RERE: variants seen among roughly 807,000 people sequenced by gnomAD.
RERE encodes arginine-glutamic acid dipeptide repeats protein.
Under a neutral mutation model 146.1 loss-of-function variants are expected in RERE, and 40 were observed. That is an observed-to-expected ratio of 0.27 (90% confidence interval 0.21 to 0.36). The LOEUF is 0.36. RERE is among the 10% of genes least tolerant of loss of function. RERE has a pLI of 1.00. For synonymous variants in RERE, 1,003 were observed against 866.0 expected (o/e 1.16, Z -2.78); for missense variants, 1,933 against 2,138.7 (o/e 0.90, Z 1.90).
intron 1 of RERE, chr1:8,750,782 A>G (rs779946788): frequency 7.5e-6 from 6 of 796,414 alleles, no homozygotes; most frequent in Non-Finnish European, 1.3e-5. Flanking sequence ...TCAAATCTTC[A>G]GTGGAACCTT....
intron 12 of RERE, among the ~76,000 whole-genome samples, chr1:8,403,383 T>C (rs983080064): frequency 6.6e-6 from 1 of 152,078 alleles, no homozygotes; most frequent in Non-Finnish European, 1.5e-5. Flanking sequence ...TACTGTTTAC[T>C]TGTCCTTCTT....
intron 2 of RERE, among the ~76,000 whole-genome samples, chr1:8,632,871 A>C (rs1170840436): frequency 6.6e-6 from 1 of 152,256 alleles, no homozygotes; most frequent in African/African-American, 2.4e-5. Context: ...ATAAAAGTTT[A>C]ATTGCCATTC....
chr1:8,779,138 C>T (rs1051473016), intron 1 of RERE, among the ~76,000 whole-genome samples: 2 of 151,960 alleles, frequency 1.3e-5, no homozygotes, highest in South Asian at 2.1e-4. Context: ...TGAGCCACCA[C>T]GCCCACTCCA....
At chr1:8,557,117 G>A (rs1019401977) in intron 5 of RERE, among the ~76,000 whole-genome samples, 1 of 151,908 alleles carries the variant, frequency 6.6e-6, no homozygotes, top group African/African-American at 2.4e-5. Context: ...TGTGAGAAAA[G>A]TGGAGCAGGA....
chr1:8,778,589 C>T (rs918586775), intron 1 of RERE, among the ~76,000 whole-genome samples: 9 of 152,168 alleles, frequency 5.9e-5, no homozygotes, highest in Admixed American at 1.3e-4. Flanking sequence ...GTAATTCCAG[C>T]TCTTCGGGAA....
At chr1:8,569,682 A>G (rs1243105907) in intron 4 of RERE, among the ~76,000 whole-genome samples, 1 of 152,184 alleles carries the variant, frequency 6.6e-6, no homozygotes, top group Admixed American at 6.5e-5. Context: ...GCTTGAGCCC[A>G]GTAGTTTGAG....
At chr1:8,686,876 G>C (rs1639101099) in intron 1 of RERE, among the ~76,000 whole-genome samples, 1 of 152,178 alleles carries the variant, frequency 6.6e-6, no homozygotes, top group South Asian at 2.1e-4. Context: ...CTCGAAAGCG[G>C]GACGGTGAGC....
At chr1:8,562,711 A>C (rs139292919) in intron 4 of RERE, among the ~76,000 whole-genome samples, 3 of 152,280 alleles carry the variant, frequency 2.0e-5, no homozygotes, top group Non-Finnish European at 4.4e-5. Context: ...GAGCACATCC[A>C]ATCTGCTTAA....
intron 2 of RERE, among the ~76,000 whole-genome samples, chr1:8,628,351 A>G (rs1052997978): frequency 2.6e-5 from 4 of 152,214 alleles, no homozygotes; most frequent in East Asian, 1.9e-4. Flanking sequence ...GACTGGAGTA[A>G]TAAGAACTAA....
chr1:8,689,830 G>A (rs1210751838), intron 1 of RERE, among the ~76,000 whole-genome samples: 1 of 150,932 alleles, frequency 6.6e-6, no homozygotes, highest in Non-Finnish European at 1.5e-5. Context: ...AATGTAAACT[G>A]TAAATGTGGG....
At chr1:8,468,991 G>A (rs574812541) in intron 10 of RERE, among the ~76,000 whole-genome samples, 2 of 152,024 alleles carry the variant, frequency 1.3e-5, no homozygotes, top group Non-Finnish European at 2.9e-5. Flanking sequence ...TCCAACTCTA[G>A]CTCTACTATT....
At chr1:8,748,729 G>C (rs1392434731) in intron 1 of RERE, among the ~76,000 whole-genome samples, 5 of 152,082 alleles carry the variant, frequency 3.3e-5, no homozygotes, top group African/African-American at 1.2e-4. Context: ...TTCTCCTTTT[G>C]TCTTTCTTCC....
At chr1:8,427,403 C>G (rs900157861) in intron 11 of RERE, among the ~76,000 whole-genome samples, 2 of 152,158 alleles carry the variant, frequency 1.3e-5, no homozygotes, top group African/African-American at 4.8e-5. Context: ...CCCATATGAT[C>G]TCCACTGTTC....
intron 10 of RERE, among the ~76,000 whole-genome samples, chr1:8,487,497 G>C (rs1644917727): frequency 6.6e-6 from 1 of 152,154 alleles, no homozygotes; most frequent in Admixed American, 6.5e-5. Context: ...AGGATTACTT[G>C]AGTCTGGGAG....
At chr1:8,595,802 T>TA (rs1259569758) in intron 4 of RERE, among the ~76,000 whole-genome samples, 2 of 152,242 alleles carry the variant, frequency 1.3e-5, no homozygotes, top group African/African-American at 4.8e-5. Flanking sequence ...AGATATATTT[T>TA]AAAAAAGGAT....
At chr1:8,597,406 T>A (rs966763485) in intron 4 of RERE, among the ~76,000 whole-genome samples, 3 of 152,210 alleles carry the variant, frequency 2.0e-5, no homozygotes, top group African/African-American at 7.2e-5. Flanking sequence ...ATGCTAATTT[T>A]TAAATGGACA....
At chr1:8,769,617 C>G (rs960594764) in intron 1 of RERE, among the ~76,000 whole-genome samples, 1 of 151,952 alleles carries the variant, frequency 6.6e-6, no homozygotes, top group Non-Finnish European at 1.5e-5. Flanking sequence ...GTACCTGGGA[C>G]TACAGGCTCA....
chr1:8,613,540 C>T (rs568031044), intron 4 of RERE, among the ~76,000 whole-genome samples: 1 of 152,340 alleles, frequency 6.6e-6, no homozygotes, highest in South Asian at 2.1e-4. Flanking sequence ...CCAAGTGCCA[C>T]AGCCCATCTG....
chr1:8,703,298 G>A (rs1181680442), intron 1 of RERE: 1 of 150,208 alleles, frequency 6.7e-6, no homozygotes, highest in African/African-American at 2.4e-5. Context: ...CCCCGCCCGC[G>A]GCTAGGGAGG....
Sources: allele counts gnomAD v4.1 joint callset (sites outside exome capture counted in the v4.1 genomes callset), GRCh38; gene constraint gnomAD v4.1.1; transcripts MANE v1.5; gene names NCBI Gene and HGNC (gene_info 2026-07-23, HGNC 2026-07-21).